Variants in MON1A observed in about 807,000 individuals in gnomAD.
The protein encoded by MON1A is vacuolar fusion protein MON1 homolog A.
MON1A carries 29 observed loss-of-function variants against 44.6 expected under a neutral mutation model. The observed-to-expected ratio is 0.65, with a 90% CI of 0.48 to 0.89. The LOEUF (loss-of-function observed/expected upper bound fraction) is 0.89, where lower values mean the gene tolerates loss of function less well. Among genes scored for constraint, MON1A ranks in the 40% least tolerant of loss-of-function variants. The pLI, the probability that MON1A is intolerant of heterozygous loss-of-function variation, is 0.00. For missense variants in MON1A, 615 were observed against 759.6 expected (o/e 0.81, Z 2.24); for synonymous variants, 275 against 316.4 (o/e 0.87, Z 1.39).
chr3:49,917,421 G>T (rs896577295), intron 1 of MON1A, among the ~76,000 whole-genome samples: 1 of 152,098 alleles, frequency 6.6e-6, no homozygotes, highest in Non-Finnish European at 1.5e-5. Flanking sequence ...GAGTAGCTGG[G>T]ACTATAGGCG....
intron 1 of MON1A, among the ~76,000 whole-genome samples, chr3:49,914,061 C>T (rs1413837191): frequency 6.6e-6 from 1 of 151,572 alleles, no homozygotes; most frequent in Non-Finnish European, 1.5e-5. Context: ...GCACATGCCA[C>T]AGCCAGCTAA....
chr3:49,909,512 C>G lies in MON1A; in HGVS notation c.1380-112G>C. On this transcript the variant is annotated intron_variant, in intron 4 of 5. Transcript: ENST00000296473. This position sits in a 1 kb window ranked among gnomAD's most constrained non-coding sequence, Gnocchi z 4.0. The stretch of plus-strand genomic sequence containing the variant: ...GGAAGACTCTATCTTATGTCCTACC[C>G]TCCAGGTGCTCCCTTAGGACAGGGC... 7.1e-7 allele frequency: 1 copy of G among 1,406,520 alleles called. No individual in the cohort carries two copies. Among genetic ancestry groups the G allele is most frequent in the Non-Finnish European group, 9.7e-7 (1 of 1,033,030 alleles). 87.1% of individuals were successfully genotyped at this position (1,406,520 alleles called of 1,614,324 possible).
chr3:49,929,417 TTCCAGATC>T, intron 1 of MON1A, 184 bp downstream of exon 1: 1 of 692,862 alleles, frequency 1.4e-6, no homozygotes, highest in Non-Finnish European at 2.5e-6. Flanking sequence ...AAAGGATGGG[TTCCAGATC>T]TCGCCTTTTG....
At chr3:49,917,820 G>T (rs1307384767) in intron 1 of MON1A, among the ~76,000 whole-genome samples, 1 of 151,758 alleles carries the variant, frequency 6.6e-6, no homozygotes, top group Non-Finnish European at 1.5e-5. Context: ...GCCGAGGCGG[G>T]CAGATCACCT....
In MON1A at chr3:49,909,295, C is replaced by T. The variant is rs756613698; in HGVS notation, c.1485G>A (p.Lys495=). Residue 495 remains lysine (K), a synonymous_variant, in exon 5 of 6, where the codon AAG becomes AAA. Coordinates refer to ENST00000296473, the MANE Select transcript of MON1A (RefSeq NM_032355.4). This position sits in a 1 kb window ranked among gnomAD's most constrained non-coding sequence, Gnocchi z 4.0. ...CGTTGGGGCCCGTGTAGTAAATGGT[C>T]TTGAGTGGGCGAGAGGCATTGTGGG... ...SRAHNASRPL[K]TIYYTGPNEN... is the part of the protein sequence containing the mutation. 2 of 1,613,878 alleles carry T rather than the reference C, an allele frequency of 1.2e-6. No individual in the cohort carries two copies. Among genetic ancestry groups the T allele is most frequent in the African/African-American group, 1.3e-5 (1 of 74,898 alleles).
intron 1 of MON1A, among the ~76,000 whole-genome samples, chr3:49,926,553 C>T (rs2083053080): frequency 6.6e-6 from 1 of 151,932 alleles, no homozygotes; most frequent in Non-Finnish European, 1.5e-5. Context: ...GCCTCTCAGG[C>T]TCAAATGATC....
intron 1 of MON1A, among the ~76,000 whole-genome samples, chr3:49,913,780 A>G (rs1330731098): frequency 6.8e-6 from 1 of 147,332 alleles, no homozygotes; most frequent in African/African-American, 2.5e-5. Context: ...CTCGTGCCTC[A>G]GCCTCCCAAG....
intron 1 of MON1A, among the ~76,000 whole-genome samples, chr3:49,922,531 G>GA: frequency 7.6e-6 from 1 of 132,440 alleles, no homozygotes; most frequent in African/African-American, 2.8e-5. Context: ...GAGAAGGAAG[G>GA]AGGGAGGGAG....
At position 49,911,316 on chromosome 3, in the gene MON1A, A is replaced by G. The variant is rs1325588017; in HGVS notation, c.613+210T>C. ...TCTCTCCAAAGGCAAAGCCCATGTC[A>G]GAGGCAACTTTGGTCCTCGCCGCAG... is the stretch of plus-strand genomic sequence containing the variant. On this transcript the variant is annotated intron_variant, in intron 3 of 5. Coordinates refer to ENST00000296473, the MANE Select transcript of MON1A (RefSeq NM_032355.4). This position sits in a 1 kb window ranked among gnomAD's most constrained non-coding sequence, Gnocchi z 5.7. Among the ~76,000 whole-genome samples the G allele has an allele frequency of 6.6e-6, 1 of 152,106 alleles. No individual in the cohort carries two copies. Among genetic ancestry groups the G allele is most frequent in the Non-Finnish European group, 1.5e-5 (1 of 68,022 alleles).
chr3:49,909,108 G>A lies in MON1A; in HGVS notation c.1574C>T (p.Thr525Ile). The A allele has an allele frequency of 5.0e-6, 8 of 1,613,484 alleles. No individual in the cohort carries two copies. The highest frequency in any genetic ancestry group is 6.8e-6 in the Non-Finnish European group (8 of 1,179,596). The change falls in exon 6 of 6, where the codon ACC (threonine) becomes ATC (isoleucine). Residue 525 changes from threonine (T) to isoleucine (I), a missense_variant. Physicochemically the swap from Thr to Ile is moderately conservative, Grantham distance 89. Transcript: ENST00000296473. The surrounding 1 kb of genome is among the most constrained non-coding windows in gnomAD (Gnocchi z 4.0). Reference protein sequence around the residue: ...ELYMCYSPLGTKASAVSAIHK... With the variant: ...ELYMCYSPLGIKASAVSAIHK... ...GATGGCACTGACGGCTGACGCCTTG[G>A]TCCCCAGGGGGCTGTAACACATGTA... is the stretch of plus-strand genomic sequence containing the variant.
In MON1A at chr3:49,911,181, ATAGATAGAT is replaced by A. The variant is rs1559491761; in HGVS notation, c.614-306_614-298del. 1.4e-5 allele frequency among the ~76,000 whole-genome samples: 2 copies of A among 145,966 alleles called. No homozygotes were observed. The highest frequency in any genetic ancestry group is 5.3e-5 in the African/African-American group (2 of 38,052). ...CTGGGTGGAGCTCAGGACCTGGGAGATAGATAGATTAGATAGATAGATAGATAGATAGAT... is the reference window on the plus strand; with the variant it reads ...CTGGGTGGAGCTCAGGACCTGGGAGATAGATAGATAGATAGATAGATAGAT... On this transcript the variant is annotated intron_variant, in intron 3 of 5. Coordinates refer to ENST00000296473, the MANE Select transcript of MON1A (RefSeq NM_032355.4). This position sits in a 1 kb window ranked among gnomAD's most constrained non-coding sequence, Gnocchi z 5.7.
At chr3:49,925,439 T>C (rs1307791882) in intron 1 of MON1A, among the ~76,000 whole-genome samples, 1 of 152,188 alleles carries the variant, frequency 6.6e-6, no homozygotes, top group Non-Finnish European at 1.5e-5. Flanking sequence ...ACAGAAAATA[T>C]GTATATTTAC....
intron 1 of MON1A, among the ~76,000 whole-genome samples, chr3:49,915,521 C>T (rs2082935957): frequency 6.6e-6 from 1 of 151,936 alleles, no homozygotes; most frequent in Non-Finnish European, 1.5e-5. Flanking sequence ...AGAGTGAGAC[C>T]CTGTCTCAAA....
intron 1 of MON1A, among the ~76,000 whole-genome samples, chr3:49,917,091 G>A (rs2082951377): frequency 2.6e-5 from 4 of 152,096 alleles, no homozygotes; most frequent in African/African-American, 4.8e-5. Flanking sequence ...CTCCTGAGTC[G>A]CTGGGAACAC....
At position 49,913,204 on chromosome 3, in the gene MON1A, G is replaced by A; in HGVS notation, c.127+16C>T. 1 of 1,614,236 alleles carries A rather than the reference G, an allele frequency of 6.2e-7. No individual in the cohort carries two copies. Among genetic ancestry groups the A allele is most frequent in the South Asian group, 1.1e-5 (1 of 91,086 alleles). On this transcript the variant is annotated intron_variant, in intron 2 of 5. Transcript: ENST00000296473. ...CTCTGGTTGGCAGCTGGCTGAGGCTGTACACTTGCCCATACCTGGCTCCAT... is the reference window on the plus strand; with the variant it reads ...CTCTGGTTGGCAGCTGGCTGAGGCTATACACTTGCCCATACCTGGCTCCAT...
In MON1A at chr3:49,909,276, G is replaced by C; in HGVS notation, c.1504C>G (p.Pro502Ala). The C allele has an allele frequency of 6.2e-7, 1 of 1,614,006 alleles. No individual in the cohort carries two copies. Among genetic ancestry groups the C allele is most frequent in the Non-Finnish European group, 8.5e-7 (1 of 1,179,998 alleles). Residue 502 changes from proline (P) to alanine (A), a missense_variant, in exon 5 of 6, where the codon CCC becomes GCC. By Grantham distance (27) the Pro-to-Ala change is conservative. Coordinates refer to ENST00000296473, the MANE Select transcript of MON1A (RefSeq NM_032355.4). The surrounding 1 kb of genome is among the most constrained non-coding windows in gnomAD (Gnocchi z 4.0). ...RPLKTIYYTG[P>A]NENLLAWVTG... ...ACCCAGGCCAGGAGGTTCTCGTTGG[G>C]GCCCGTGTAGTAAATGGTCTTGAGT...
chr3:49,912,975 A>G, intron 2 of MON1A: 1 of 633,510 alleles, frequency 1.6e-6, no homozygotes, highest in Non-Finnish European at 2.9e-6. Context: ...CTGTAGACAC[A>G]GGGAACAGAA....
intron 1 of MON1A, among the ~76,000 whole-genome samples, chr3:49,920,293 C>G (rs1024276253): frequency 6.6e-6 from 1 of 152,214 alleles, no homozygotes; most frequent in Non-Finnish European, 1.5e-5. Flanking sequence ...ACCTCATGGA[C>G]TACTCCTTCT....
At chr3:49,923,158 G>A (rs1026279135) in intron 1 of MON1A, among the ~76,000 whole-genome samples, 3 of 151,604 alleles carry the variant, frequency 2.0e-5, no homozygotes, top group Non-Finnish European at 2.9e-5. Flanking sequence ...TGGCTAACAC[G>A]GTGAAACCCC....
Sources: gnomAD v4.1 joint callset for allele counts (sites outside exome capture counted in the v4.1 genomes callset) on GRCh38, gnomAD v4.1.1 for gene constraint, Gnocchi (gnomAD v3.1) non-coding constraint, MANE v1.5 for transcripts, NCBI Gene and HGNC (gene_info 2026-07-23, HGNC 2026-07-21) for gene names.